NTM: variants seen among roughly 807,000 people sequenced by gnomAD.
NTM encodes neurotrimin.
NTM carries 13 observed loss-of-function variants against 42.1 expected under a neutral mutation model. That is an observed-to-expected ratio of 0.31 (90% CI 0.20 to 0.49). The LOEUF (loss-of-function observed/expected upper bound fraction) is 0.49, where lower values mean the gene tolerates loss of function less well. Among genes scored for constraint, NTM ranks in the 20% least tolerant of loss-of-function variants. The pLI, the probability that NTM is intolerant of heterozygous loss-of-function variation, is 0.99. For missense variants in NTM, 373 were observed against 452.8 expected (o/e 0.82, Z 1.60); for synonymous variants, 187 against 179.2 (o/e 1.04, Z -0.35).
chr11:132,082,748 G>A (rs754913544), intron 2 of NTM, among the ~76,000 whole-genome samples: 1 of 152,204 alleles, frequency 6.6e-6, no homozygotes, highest in Non-Finnish European at 1.5e-5. Context: ...GGGGAAAATG[G>A]CAGTCAGAGG....
chr11:131,605,292 A>T (rs774359843), intron 1 of NTM, among the ~76,000 whole-genome samples: 19 of 152,158 alleles, frequency 1.2e-4, no homozygotes, highest in Non-Finnish European at 2.4e-4. Flanking sequence ...ATTATCCCTG[A>T]GTACTTTACT....
chr11:131,634,199 G>T (rs923317669), intron 1 of NTM, among the ~76,000 whole-genome samples: 8 of 152,170 alleles, frequency 5.3e-5, no homozygotes, highest in South Asian at 2.1e-4. Context: ...AGATCTGTTT[G>T]ATTGCATTGT....
intron 4 of NTM, among the ~76,000 whole-genome samples, chr11:132,285,464 C>T (rs2094192767): frequency 6.6e-6 from 1 of 152,154 alleles, no homozygotes; most frequent in African/African-American, 2.4e-5. Context: ...CTTCGTGGAC[C>T]TGACTGAGAT....
chr11:131,677,575 C>A (rs2071649261), intron 1 of NTM, among the ~76,000 whole-genome samples: 1 of 152,170 alleles, frequency 6.6e-6, no homozygotes, highest in Admixed American at 6.5e-5. Context: ...AAGTGGTGAT[C>A]CCTCTGTGCC....
At chr11:132,246,420 C>T (rs1037791883) in intron 4 of NTM, among the ~76,000 whole-genome samples, 22 of 152,206 alleles carry the variant, frequency 1.4e-4, no homozygotes, top group Non-Finnish European at 3.2e-4. Flanking sequence ...AGGTAAGGAG[C>T]ACCGCACGGC....
intron 2 of NTM, among the ~76,000 whole-genome samples, chr11:132,072,418 G>T (rs191429060): frequency 1.3e-5 from 2 of 152,212 alleles, no homozygotes; most frequent in Non-Finnish European, 2.9e-5. Flanking sequence ...AAACACATAT[G>T]TGTGCAACTG....
At chr11:131,422,447 T>C (rs1947636394) in intron 1 of NTM, among the ~76,000 whole-genome samples, 1 of 152,186 alleles carries the variant, frequency 6.6e-6, no homozygotes, top group Non-Finnish European at 1.5e-5. Context: ...CCTGAGTCTT[T>C]AAGGGAGCCA....
chr11:131,549,038 A>C (rs2054306280), intron 1 of NTM, among the ~76,000 whole-genome samples: 2 of 152,308 alleles, frequency 1.3e-5, no homozygotes, highest in East Asian at 1.9e-4. Context: ...GAATGAATGA[A>C]TGAATGAACG....
At chr11:131,676,106 C>A (rs751207693) in intron 1 of NTM, among the ~76,000 whole-genome samples, 16 of 152,122 alleles carry the variant, frequency 1.1e-4, no homozygotes, top group Non-Finnish European at 2.1e-4. Flanking sequence ...GAACCTGAAC[C>A]CTTGCTTTTC....
At chr11:131,719,019 C>T (rs907250982) in intron 1 of NTM, among the ~76,000 whole-genome samples, 3 of 152,144 alleles carry the variant, frequency 2.0e-5, no homozygotes, top group Non-Finnish European at 4.4e-5. Flanking sequence ...AGGTCATCTT[C>T]CCAGCTCAGC....
At chr11:132,311,241 A>G (rs2095271219) in intron 6 of NTM, among the ~76,000 whole-genome samples, 1 of 152,202 alleles carries the variant, frequency 6.6e-6, no homozygotes, top group Non-Finnish European at 1.5e-5. Flanking sequence ...AGCTCTTTCT[A>G]GTCTCTAGAT....
chr11:132,091,448 A>G (rs1003474175), intron 2 of NTM, among the ~76,000 whole-genome samples: 1 of 152,064 alleles, frequency 6.6e-6, no homozygotes, highest in African/African-American at 2.4e-5. Context: ...TTATCTTTTC[A>G]TAGTTGACTA....
intron 7 of NTM, among the ~76,000 whole-genome samples, chr11:132,322,234 A>G (rs944108961): frequency 1.3e-5 from 2 of 152,232 alleles, no homozygotes; most frequent in Non-Finnish European, 2.9e-5. Flanking sequence ...ACAGACTGAC[A>G]AATTGGATAA....
chr11:132,051,674 C>T lies in NTM; in HGVS notation c.168-94608C>T, dbSNP rs529623319. Among the ~76,000 whole-genome samples the T allele has an allele frequency of 3.9e-5, 6 of 152,320 alleles. No homozygotes were observed. In the East Asian group the frequency reaches 1.2e-3, roughly 29 times the overall value. On this transcript the variant is annotated intron_variant, in intron 2 of 8. Transcript: ENST00000683400. ...CAGGATGCCAAGAGCCCCCTCCTCCCCAGGAGGACCCCTTAGACAGCAGTG... is the reference window on the plus strand; with the variant it reads ...CAGGATGCCAAGAGCCCCCTCCTCCTCAGGAGGACCCCTTAGACAGCAGTG...
chr11:132,311,096 A>G (rs2095266854), intron 6 of NTM, among the ~76,000 whole-genome samples: 1 of 152,178 alleles, frequency 6.6e-6, no homozygotes, highest in Non-Finnish European at 1.5e-5. Context: ...AGGAAAAACA[A>G]TGAAGAGGGC....
Position 131,424,595 on chromosome 11 carries a change from C to CTTTTTTTTTTTTTTTTTTT in NTM, c.82+53711_82+53712insTTTTTTTTTTTTTTTTTTT, listed in dbSNP as rs1446801058. Among the ~76,000 whole-genome samples the CTTTTTTTTTTTTTTTTTTT allele has an allele frequency of 2.3e-3, 93 of 39,600 alleles. 15 individuals carry two copies. The East Asian group carries it at 0.03, about 13-fold the overall frequency. 26.0% of individuals were successfully genotyped at this position (39,600 alleles called of 152,430 possible). A position where few individuals can be genotyped will look rare whatever the true frequency, so the allele number is the denominator to read the frequency against. ...TGCTTAGTTGTTTTTTATTTCTTTT[C>CTTTTTTTTTTTTTTTTTTT]TTTTCTTTTTTTTTTTTTTTTTTGG... On this transcript the variant is annotated intron_variant, in intron 1 of 8. Transcript: ENST00000683400.
intron 4 of NTM, among the ~76,000 whole-genome samples, chr11:132,302,714 G>C (rs899493813): frequency 6.6e-6 from 1 of 152,200 alleles, no homozygotes; most frequent in South Asian, 2.1e-4. Flanking sequence ...GAAGCCCCCT[G>C]TGTGCAGCAC....
chr11:131,736,799 A>G (rs1393722010), intron 1 of NTM, among the ~76,000 whole-genome samples: 1 of 152,218 alleles, frequency 6.6e-6, no homozygotes, highest in African/African-American at 2.4e-5. Context: ...AAAGGGAAGG[A>G]TGAATGAGGA....
chr11:132,026,618 TGA>T (rs2075213704), intron 2 of NTM, among the ~76,000 whole-genome samples: 1 of 152,238 alleles, frequency 6.6e-6, no homozygotes, highest in African/African-American at 2.4e-5. Context: ...TGTGTGTTGG[TGA>T]GTGTTACTAG....
Sources: gnomAD v4.1 joint callset for allele counts (sites outside exome capture counted in the v4.1 genomes callset) on GRCh38, gnomAD v4.1.1 for gene constraint, MANE v1.5 for transcripts, NCBI Gene and HGNC (gene_info 2026-07-23, HGNC 2026-07-21) for gene names.